The following NPIPB6 variants were observed in gnomAD, a reference collection of about 807,000 sequenced individuals.
The protein encoded by NPIPB6 is nuclear pore complex interacting protein family member B6.
In NPIPB6, 2 loss-of-function variants were observed where a neutral mutation model predicts 20.0. The observed-to-expected ratio is 0.10, with a 90% CI of 0.04 to 0.31. The LOEUF (loss-of-function observed/expected upper bound fraction) is 0.31. NPIPB6 is among the 10% of genes least tolerant of loss of function. NPIPB6 has a pLI of 1.00. For missense variants in NPIPB6, 96 were observed against 293.7 expected (o/e 0.33, Z 4.92); for synonymous variants, 35 against 116.3 (o/e 0.30, Z 4.50).
At position 28,346,621 on chromosome 16, in the gene NPIPB6, T is replaced by G. The variant is rs1596566892; in HGVS notation, c.600-1868A>C. ...TTGACTGACTTTAACAAGGTTCAGT[T>G]CACAGACATTGAGGGCAGAAAAAGG... is the stretch of plus-strand genomic sequence containing the variant. On this transcript the variant is annotated intron_variant, in intron 4 of 6. Transcript: ENST00000532254. 4 of 438,110 alleles carry G rather than the reference T, an allele frequency of 9.1e-6. No homozygotes were observed. The Middle Eastern group carries it at 3.7e-3, about 409-fold the overall frequency. 27.1% of individuals were successfully genotyped at this position (438,110 alleles called of 1,614,324 possible).
At chr16:28,358,942 C>T (rs1441445478) in intron 1 of NPIPB6, among the ~76,000 whole-genome samples, 6 of 145,718 alleles carry the variant, frequency 4.1e-5, no homozygotes, top group Non-Finnish European at 7.5e-5. Context: ...ATTAGCCAGG[C>T]ATGGTGGCAC....
In NPIPB6 at chr16:28,361,919, CAAAT is replaced by C. The variant is rs1358200682; in HGVS notation, c.120+780_120+783del. 3.3e-5 allele frequency among the ~76,000 whole-genome samples: 5 copies of C among 151,288 alleles called. No homozygotes were observed. The East Asian group carries it at 7.8e-4, about 24-fold the overall frequency. The stretch of plus-strand genomic sequence containing the variant: ...TGTAGACTGCACAGAGCATTCAAAA[CAAAT>C]GAAGGAGAATAAAAAATATGTATTA... On this transcript the variant is annotated intron_variant, in intron 1 of 6. Transcript: ENST00000532254.
At chr16:28,361,426 A>G (rs1380227882) in intron 1 of NPIPB6, among the ~76,000 whole-genome samples, 3 of 150,406 alleles carry the variant, frequency 2.0e-5, no homozygotes, top group Admixed American at 6.6e-5. Flanking sequence ...GTATATTGTT[A>G]AAATAATTTT....
At chr16:28,361,724 C>G (rs1281270335) in intron 1 of NPIPB6, among the ~76,000 whole-genome samples, 28 of 135,846 alleles carry the variant, frequency 2.1e-4, no homozygotes, top group African/African-American at 7.5e-4. Flanking sequence ...CTGTCTCTCT[C>G]TCTATATGTG....
rs936925664 is a variant in NPIPB6, at chr16:28,349,502, G to C, written c.304-261C>G. On this transcript the variant is annotated intron_variant, in intron 2 of 6. Coordinates refer to ENST00000532254, the Ensembl canonical transcript of NPIPB6. ...GGAGGCGGAGGTTGCAGTGAGCCGA[G>C]ATCACACCACTGCACTCCAGCCTGA... Among the ~76,000 whole-genome samples the C allele has an allele frequency of 3.7e-5, 4 of 108,486 alleles. 1 individual carries two copies. Among genetic ancestry groups the C allele is most frequent in the African/African-American group, 1.3e-4 (4 of 31,286 alleles). The allele number at this position is 108,486 out of a possible 152,430, so 71.2% of individuals were successfully genotyped here.
At chr16:28,360,292 C>G (rs1262215853) in intron 1 of NPIPB6, among the ~76,000 whole-genome samples, 4 of 126,496 alleles carry the variant, frequency 3.2e-5, no homozygotes, top group Non-Finnish European at 3.6e-5. Flanking sequence ...AATTTTTACT[C>G]TTGATATCCT....
rs1384614413 is a variant in NPIPB6, at chr16:28,348,318, A to G, written c.599+516T>C. ...AAAAAGGCTGGGTGTGGTGGCTCAC[A>G]CCTCTAATCCCAGCACTTTGGGAGG... On this transcript the variant is annotated intron_variant, in intron 4 of 6. Coordinates refer to ENST00000532254, the Ensembl canonical transcript of NPIPB6. Among the ~76,000 whole-genome samples, 133 of 107,282 alleles carry G rather than the reference A, an allele frequency of 1.2e-3. 5 individuals carry two copies. Among genetic ancestry groups the G allele is most frequent in the East Asian group, 6.0e-3 (22 of 3,680 alleles). The allele number at this position is 107,282 out of a possible 152,430, so 70.4% of individuals were successfully genotyped here. A position where few individuals can be genotyped will look rare whatever the true frequency, so the allele number is the denominator to read the frequency against.
At chr16:28,348,253 G>A (rs1223772491) in intron 4 of NPIPB6, among the ~76,000 whole-genome samples, 4 of 110,750 alleles carry the variant, frequency 3.6e-5, no homozygotes, top group Admixed American at 1.1e-4. Flanking sequence ...CAGCCAGGGC[G>A]ACAGAGCGAG....
rs367823657 is a variant in NPIPB6 at position 28,346,277 on chromosome 16, A to T, written c.600-1524T>A. 4 of 796,498 alleles carry T rather than the reference A, an allele frequency of 5.0e-6. 1 individual carries two copies. Among genetic ancestry groups the T allele is most frequent in the Admixed American group, 9.3e-5 (1 of 10,806 alleles). 49.3% of individuals were successfully genotyped at this position (796,498 alleles called of 1,614,324 possible). A position where few individuals can be genotyped will look rare whatever the true frequency, so the allele number is the denominator to read the frequency against. On this transcript the variant is annotated intron_variant, in intron 4 of 6. Coordinates refer to ENST00000532254, the Ensembl canonical transcript of NPIPB6. ...ACCAACTCATCACAACTAACTCCAT[A>T]GGAAGCAGAGGATTGCTCCTCATCT...
intron 1 of NPIPB6, among the ~76,000 whole-genome samples, chr16:28,360,631 G>A: frequency 7.1e-6 from 1 of 140,602 alleles, no homozygotes; most frequent in Non-Finnish European, 1.6e-5. Context: ...CCTTAATGGA[G>A]TCCACCAAGT....
At chr16:28,349,937 G>C (rs1315192927) in intron 2 of NPIPB6, among the ~76,000 whole-genome samples, 1 of 98,578 alleles carries the variant, frequency 1.0e-5, no homozygotes, top group African/African-American at 3.4e-5. Flanking sequence ...GGTAGCTCAC[G>C]CCTGTAATCC....
Position 28,361,357 on chromosome 16 carries a change from A to AT in NPIPB6, c.120+1345dup, listed in dbSNP as rs1486010685. Among the ~76,000 whole-genome samples the AT allele has an allele frequency of 8.5e-5, 12 of 141,556 alleles. No homozygotes were observed. In the South Asian group the frequency reaches 9.0e-4, roughly 11 times the overall value. The allele number at this position is 141,556 out of a possible 152,430, so 92.9% of individuals were successfully genotyped here. The stretch of plus-strand genomic sequence containing the variant: ...TTGCATATGTATTCTTTCAATCTTT[A>AT]TTTTTAAACAGGGTAAAACTATGCA... On this transcript the variant is annotated intron_variant, in intron 1 of 6. Transcript: ENST00000532254.
At chr16:28,346,326 T>C (rs1358943757) in intron 4 of NPIPB6, 1 of 809,164 alleles carries the variant, frequency 1.2e-6, no homozygotes, top group Non-Finnish European at 1.5e-6. Context: ...TGAGACCTGA[T>C]TCTCAGTCAG....
At chr16:28,342,818 T>A (rs1453865225) in exon 7 of NPIPB6, 1 of 1,581,886 alleles carries the variant, frequency 6.3e-7, no homozygotes, top group African/African-American at 1.4e-5. Context: ...TTTGGGTGGT[T>A]TTTCCACCTC....
At chr16:28,348,270 T>A in intron 4 of NPIPB6, among the ~76,000 whole-genome samples, 1 of 103,966 alleles carries the variant, frequency 9.6e-6, no homozygotes, top group East Asian at 2.8e-4. Flanking sequence ...CGAGATTCTA[T>A]CTCAAAATTT....
intron 4 of NPIPB6, among the ~76,000 whole-genome samples, chr16:28,348,129 TG>T (rs1161941201): frequency 1.9e-5 from 2 of 106,606 alleles, no homozygotes; most frequent in East Asian, 4.9e-4. Context: ...AAAAAAAAAT[TG>T]GCCGAATGTG....
intron 2 of NPIPB6, among the ~76,000 whole-genome samples, chr16:28,351,680 T>G (rs1596574212): frequency 8.3e-6 from 1 of 119,888 alleles, no homozygotes; most frequent in African/African-American, 2.9e-5. Context: ...AAAAGCTTCC[T>G]CCAATTTATA....
rs1349029813 is a variant in NPIPB6, at chr16:28,348,365, A to G, written c.599+469T>C. 4.7e-5 allele frequency among the ~76,000 whole-genome samples: 5 copies of G among 105,458 alleles called. 1 individual carries two copies. Among genetic ancestry groups the G allele is most frequent in the Non-Finnish European group, 1.0e-4 (5 of 47,752 alleles). The allele number at this position is 105,458 out of a possible 152,430, so 69.2% of individuals were successfully genotyped here. On this transcript the variant is annotated intron_variant, in intron 4 of 6. Transcript: ENST00000532254. ...GAGGCTGAGGCAGGTGGATTACCTG[A>G]GGTCAGAAGTTCGAGACCAGCCTGG... is the stretch of plus-strand genomic sequence containing the variant.
chr16:28,359,369 A>AT, intron 1 of NPIPB6, among the ~76,000 whole-genome samples: 2 of 96,118 alleles, frequency 2.1e-5, no homozygotes, highest in African/African-American at 4.3e-5. Flanking sequence ...GCGGTCCCTC[A>AT]TGGAGGCATG....
Sources: allele counts gnomAD v4.1 joint callset (sites outside exome capture counted in the v4.1 genomes callset), GRCh38; gene constraint gnomAD v4.1.1; transcripts MANE v1.5; gene names NCBI Gene and HGNC (gene_info 2026-07-23, HGNC 2026-07-21).